SRC: variants seen among roughly 807,000 people sequenced by gnomAD.
SRC encodes SRC proto-oncogene, non-receptor tyrosine kinase.
A neutral mutation model predicts 62.9 loss-of-function variants in SRC; 13 were observed. The observed-to-expected ratio is 0.21, with a 90% CI of 0.13 to 0.33. The LOEUF is 0.33. SRC is among the 10% of genes least tolerant of loss of function. The pLI is 1.00. For missense variants in SRC, 457 were observed against 737.3 expected (o/e 0.62, Z 4.40); for synonymous variants, 302 against 317.5 (o/e 0.95, Z 0.52).
intron 2 of SRC, among the ~76,000 whole-genome samples, chr20:37,370,441 G>T (rs1272539098): frequency 1.3e-5 from 2 of 152,176 alleles, no homozygotes; most frequent in East Asian, 3.9e-4. Flanking sequence ...CGGCTGTGCT[G>T]GCAGGCACCT....
rs761936371 is a variant in SRC at position 37,402,616 on chromosome 20, G to A, written c.1270+28G>A. 2.9e-5 allele frequency: 46 copies of A among 1,596,102 alleles called. No individual in the cohort carries two copies. The East Asian group carries it at 5.6e-4, about 19-fold the overall frequency. On this transcript the variant is annotated intron_variant, in intron 12 of 13. Coordinates refer to ENST00000373578, the MANE Select transcript of SRC (RefSeq NM_198291.3). This position sits in a 1 kb window ranked among gnomAD's most constrained non-coding sequence, Gnocchi z 6.2. Reference sequence around the variant, plus strand: ...GGGCAGGGGCTGTGTGGTATGTCGCGCTTGGCCTGGGACAGGTCACGTCCC... The same window carrying A: ...GGGCAGGGGCTGTGTGGTATGTCGCACTTGGCCTGGGACAGGTCACGTCCC...
chr20:37,399,434 A>C (rs1394633240), intron 9 of SRC, among the ~76,000 whole-genome samples: 1 of 152,116 alleles, frequency 6.6e-6, no homozygotes, highest in South Asian at 2.1e-4. Flanking sequence ...TTGCTAACAC[A>C]TGAGGCACGT....
intron 2 of SRC, among the ~76,000 whole-genome samples, chr20:37,374,753 T>G (rs1455464498): frequency 6.6e-6 from 1 of 151,804 alleles, no homozygotes; most frequent in Non-Finnish European, 1.5e-5. Context: ...TTTTGTACTT[T>G]TAATACAGAT....
chr20:37,401,597 C>T lies in SRC; in HGVS notation c.1040-5C>T, dbSNP rs1228178958. The T allele has an allele frequency of 1.2e-6, 2 of 1,609,578 alleles. No homozygotes were observed. Among genetic ancestry groups the T allele is most frequent in the Non-Finnish European group, 8.5e-7 (1 of 1,177,694 alleles). On this transcript the variant is annotated splice_region_variant and splice_polypyrimidine_tract_variant and intron_variant, in intron 10 of 13. Transcript: ENST00000373578. The stretch of plus-strand genomic sequence containing the variant: ...GGAGCTGGAGCTGGGTCTCTCTCTG[C>T]CCAGGGAGTTTGCTGGACTTTCTCA...
chr20:37,386,260 G>A (rs1482380266), intron 5 of SRC, 86 bp downstream of exon 5: 5 of 1,319,068 alleles, frequency 3.8e-6, no homozygotes, highest in Non-Finnish European at 5.5e-6. Context: ...CTGGCATCAG[G>A]GCAGCACAGT....
At chr20:37,350,532 T>G (rs1412582058) in intron 1 of SRC, among the ~76,000 whole-genome samples, 2 of 152,182 alleles carry the variant, frequency 1.3e-5, no homozygotes, top group Non-Finnish European at 2.9e-5. Context: ...GGAGACCCAG[T>G]AGAGGCCTCC....
At chr20:37,371,446 A>G (rs550412554) in intron 2 of SRC, among the ~76,000 whole-genome samples, 95 of 152,036 alleles carry the variant, frequency 6.2e-4, no homozygotes, top group African/African-American at 2.2e-3. Flanking sequence ...TCCTGAGTTT[A>G]GTAATTTGAG....
intron 2 of SRC, among the ~76,000 whole-genome samples, chr20:37,367,798 C>A (rs1366967877): frequency 3.3e-5 from 5 of 151,980 alleles, no homozygotes; most frequent in African/African-American, 1.2e-4. Context: ...AGGCATGCAA[C>A]ACCACGCCTG....
chr20:37,382,485 G>A (rs2070380345), intron 2 of SRC, 134 bp from the exon 3 acceptor site: 1 of 152,212 alleles, frequency 6.6e-6, no homozygotes, highest in African/African-American at 2.4e-5. Flanking sequence ...TCAGGTCTAG[G>A]AGGCTCTTAG....
At chr20:37,349,747 T>A (rs1008834081) in intron 1 of SRC, among the ~76,000 whole-genome samples, 3 of 152,184 alleles carry the variant, frequency 2.0e-5, no homozygotes, top group African/African-American at 4.8e-5. Context: ...GGAGAGGATG[T>A]TGGCAGCCAA....
intron 1 of SRC, among the ~76,000 whole-genome samples, chr20:37,356,407 T>A (rs1359547669): frequency 2.6e-5 from 4 of 151,978 alleles, no homozygotes; most frequent in Admixed American, 2.6e-4. Flanking sequence ...TGGGTCAGGG[T>A]CAGTGTGGCT....
chr20:37,400,321 G>T, intron 10 of SRC, 27 bp downstream of exon 10: 1 of 1,585,748 alleles, frequency 6.3e-7, no homozygotes, highest in South Asian at 1.1e-5. Flanking sequence ...CGGGGCAGGG[G>T]GCAGGGGCAC....
rs1332251450 is a variant in SRC, at chr20:37,397,069, G to C, written c.704-630G>C. On this transcript the variant is annotated intron_variant, in intron 8 of 13. Coordinates refer to ENST00000373578, the MANE Select transcript of SRC (RefSeq NM_198291.3). This position sits in a 1 kb window ranked among gnomAD's most constrained non-coding sequence, Gnocchi z 4.1. ...TCCAGGGGCTGTCTTGGAATCTTGGGATAAAGACCCCCACCGGCCCCTGAG... is the reference window on the plus strand; with the variant it reads ...TCCAGGGGCTGTCTTGGAATCTTGGCATAAAGACCCCCACCGGCCCCTGAG... Among the ~76,000 whole-genome samples the C allele has an allele frequency of 6.6e-6, 1 of 152,098 alleles. No homozygotes were observed. The highest frequency in any genetic ancestry group is 1.5e-5 in the Non-Finnish European group (1 of 68,008).
At chr20:37,361,809 C>T (rs937248474) in intron 1 of SRC, among the ~76,000 whole-genome samples, 2 of 55,014 alleles carry the variant, frequency 3.6e-5, no homozygotes, top group African/African-American at 1.2e-4. Flanking sequence ...GTAGAGATGC[C>T]GGGGTCTCTG....
At chr20:37,345,061 A>C (rs1408466750), upstream of SRC, among the ~76,000 whole-genome samples, 1 of 152,208 alleles carries the variant, frequency 6.6e-6, no homozygotes, top group Non-Finnish European at 1.5e-5. Context: ...TGCTCCTCCC[A>C]GCTCCTCTCA....
rs1352624429 is a variant in SRC, at chr20:37,368,518, C to CTTTTTTTTTTTTTTTTTTTTTTTTTTT, written c.-173+3266_-173+3267insTTTTTTTTTTTTTTTTTTTTTTTTTTT. 1.1e-3 allele frequency among the ~76,000 whole-genome samples: 84 copies of CTTTTTTTTTTTTTTTTTTTTTTTTTTT among 73,916 alleles called. 8 individuals carry two copies. Among genetic ancestry groups the CTTTTTTTTTTTTTTTTTTTTTTTTTTT allele is most frequent in the South Asian group, 1.8e-3 (3 of 1,710 alleles). The allele number at this position is 73,916 out of a possible 152,430, so 48.5% of individuals were successfully genotyped here. A position where few individuals can be genotyped will look rare whatever the true frequency, so the allele number is the denominator to read the frequency against. ...GTCATAACATTTATGCCTATATTTT[C>CTTTTTTTTTTTTTTTTTTTTTTTTTTT]TTTTTTTTTTTTTTTTTTTTTTTTT... On this transcript the variant is annotated intron_variant, in intron 2 of 13. Transcript: ENST00000373578.
chr20:37,378,449 C>T (rs1185759268), intron 2 of SRC, among the ~76,000 whole-genome samples: 2 of 152,132 alleles, frequency 1.3e-5, no homozygotes, highest in African/African-American at 2.4e-5. Flanking sequence ...TTTGATTGCT[C>T]ACAACCCTAT....
At chr20:37,366,754 C>T (rs1200071279) in intron 2 of SRC, among the ~76,000 whole-genome samples, 1 of 151,954 alleles carries the variant, frequency 6.6e-6, no homozygotes, top group Non-Finnish European at 1.5e-5. Context: ...TATGGATATA[C>T]CATATTTTAT....
At chr20:37,366,019 A>G (rs2070058088) in intron 2 of SRC, among the ~76,000 whole-genome samples, 1 of 152,122 alleles carries the variant, frequency 6.6e-6, no homozygotes, top group African/African-American at 2.4e-5. Flanking sequence ...ATGGTTGCGT[A>G]GTATTCCACT....
Sources: allele counts gnomAD v4.1 joint callset (sites outside exome capture counted in the v4.1 genomes callset), GRCh38; gene constraint gnomAD v4.1.1; non-coding constraint Gnocchi (gnomAD v3.1); transcripts MANE v1.5; gene names NCBI Gene and HGNC (gene_info 2026-07-23, HGNC 2026-07-21).